P2RY12: variants seen among roughly 807,000 people sequenced by gnomAD.
P2RY12 encodes the protein purinergic receptor P2Y12.
A neutral mutation model predicts 4.5 loss-of-function variants in P2RY12; 3 were observed. The observed-to-expected ratio is 0.67, with a 90% CI of 0.31 to 1.74. The LOEUF is 1.74. Ranked by LOEUF, P2RY12 falls within the 40% of genes most tolerant of loss-of-function variation. The probability of loss-of-function intolerance (pLI) is 0.09; values close to 1 mark genes in which losing one functional copy is unlikely to be tolerated. For synonymous variants in P2RY12, 148 were observed against 154.1 expected (o/e 0.96, Z 0.29); for missense variants, 356 against 407.8 (o/e 0.87, Z 1.09).
At chr3:151,378,441 A>G (rs1163275905) in intron 1 of P2RY12, among the ~76,000 whole-genome samples, 2 of 152,150 alleles carry the variant, frequency 1.3e-5, no homozygotes, top group African/African-American at 2.4e-5. Context: ...GCTTTAGACC[A>G]ACTGAATCAG....
chr3:151,382,790 AT>A (rs769604656), intron 1 of P2RY12: 1 of 1,458,510 alleles, frequency 6.9e-7, no homozygotes, highest in East Asian at 2.4e-5. Flanking sequence ...ACATATTTAC[AT>A]GTGAAAATAC....
chr3:151,372,865 T>C (rs1756364152), intron 1 of P2RY12: 1 of 824,048 alleles, frequency 1.2e-6, no homozygotes, highest in Non-Finnish European at 1.9e-6. Context: ...GTGGGCCTTT[T>C]TTTCTTGCTC....
chr3:151,350,103 C>G (rs758843606), intron 1 of P2RY12: 3 of 1,613,456 alleles, frequency 1.9e-6, no homozygotes, highest in Admixed American at 3.3e-5. Context: ...CAATCCTTCT[C>G]TATGGAGTCG....
chr3:151,338,209 T>C lies in P2RY12; in HGVS notation c.637A>G (p.Thr213Ala). 2 of 1,614,144 alleles carry C rather than the reference T, an allele frequency of 1.2e-6. No individual in the cohort carries two copies. The highest frequency in any genetic ancestry group is 1.7e-6 in the Non-Finnish European group (2 of 1,180,002). Reference protein sequence around the residue: ...LIVIVCYTLITKELYRSYVRT... With the variant: ...LIVIVCYTLIAKELYRSYVRT... ...ACGTATGACCGGTACAGTTCTTTTG[T>C]AATGAGTGTATAACATACAATAACA... Residue 213 changes from threonine (T) to alanine (A), a missense_variant, in exon 3 of 3, where the codon ACA becomes GCA. Coordinates refer to ENST00000302632, the MANE Select transcript of P2RY12 (RefSeq NM_022788.5).
At chr3:151,341,450 C>T (rs1751809253) in intron 1 of P2RY12, among the ~76,000 whole-genome samples, 1 of 151,744 alleles carries the variant, frequency 6.6e-6, no homozygotes, top group Non-Finnish European at 1.5e-5. Context: ...GAAAATATAA[C>T]ATTAAATTAA....
intron 1 of P2RY12, among the ~76,000 whole-genome samples, chr3:151,348,364 GA>G (rs55814320): frequency 0.7 from 84,008 of 119,826 alleles, 29,270 homozygotes; most frequent in Middle Eastern, 0.81. Flanking sequence ...AAAAAAAAAA[GA>G]AAAAAGAAAT....
At chr3:151,352,502 G>C (rs1753358637) in intron 1 of P2RY12, among the ~76,000 whole-genome samples, 1 of 152,150 alleles carries the variant, frequency 6.6e-6, no homozygotes, top group Non-Finnish European at 1.5e-5. Context: ...GTAAGCACCA[G>C]AAATTAGCTA....
intron 1 of P2RY12, among the ~76,000 whole-genome samples, chr3:151,361,067 T>G (rs554693607): frequency 6.6e-6 from 1 of 152,270 alleles, no homozygotes; most frequent in South Asian, 2.1e-4. Context: ...TGTATCCCTC[T>G]TGATTTTGAT....
At chr3:151,367,849 G>A in intron 1 of P2RY12, 1 of 1,458,718 alleles carries the variant, frequency 6.9e-7, no homozygotes. Context: ...ACAGGGAAAG[G>A]AGTATTTGAG....
At chr3:151,350,274 T>C in intron 1 of P2RY12, 1 of 1,511,744 alleles carries the variant, frequency 6.6e-7, no homozygotes, top group Non-Finnish European at 9.1e-7. Context: ...ACAGTCTTTA[T>C]CAAAGTGTTC....
At chr3:151,350,610 GT>G (rs1407427071) in intron 1 of P2RY12, among the ~76,000 whole-genome samples, 2 of 151,698 alleles carry the variant, frequency 1.3e-5, no homozygotes, top group Non-Finnish European at 2.9e-5. Context: ...CTTGTGGTTA[GT>G]TTTTTTTCTG....
chr3:151,351,852 G>A (rs1399867302), intron 1 of P2RY12, among the ~76,000 whole-genome samples: 1 of 152,142 alleles, frequency 6.6e-6, no homozygotes, highest in Non-Finnish European at 1.5e-5. Context: ...TTCCTTCACA[G>A]CTTTTTAATG....
intron 1 of P2RY12, among the ~76,000 whole-genome samples, chr3:151,356,347 A>G (rs1208117446): frequency 6.6e-6 from 1 of 152,162 alleles, no homozygotes. Flanking sequence ...AGCCATGATC[A>G]TACAACTGCA....
rs1751181886 is a variant in P2RY12 at position 151,337,585 on chromosome 3, G to T, written c.*232C>A. 4.0e-6 allele frequency: 2 copies of T among 498,010 alleles called. No homozygotes were observed. The highest frequency in any genetic ancestry group is 3.5e-5 in the East Asian group (1 of 28,958). 30.8% of individuals were successfully genotyped at this position (498,010 alleles called of 1,614,324 possible). On this transcript the variant is annotated 3_prime_UTR_variant, in exon 3 of 3. Transcript: ENST00000302632. ...AGTTTTGCATGCAGCATGACAATTGGATGTCGTTTGTTTTGCTGCTAATAC... is the reference window on the plus strand; with the variant it reads ...AGTTTTGCATGCAGCATGACAATTGTATGTCGTTTGTTTTGCTGCTAATAC...
intron 1 of P2RY12, chr3:151,376,774 G>A: frequency 2.5e-6 from 4 of 1,593,580 alleles, no homozygotes; most frequent in Middle Eastern, 1.7e-4. Flanking sequence ...TACCCATAAT[G>A]TTTTAATTCT....
chr3:151,372,952 C>T (rs1462477564), intron 1 of P2RY12, among the ~76,000 whole-genome samples: 1 of 152,130 alleles, frequency 6.6e-6, no homozygotes, highest in African/African-American at 2.4e-5. Flanking sequence ...CCATCCTTTA[C>T]ACGGATTTAC....
intron 1 of P2RY12, chr3:151,365,905 A>G: frequency 6.2e-7 from 1 of 1,613,714 alleles, no homozygotes; most frequent in Non-Finnish European, 8.5e-7. Flanking sequence ...CACTGTTCTT[A>G]GTTCAGAATG....
Position 151,338,278 on chromosome 3 carries a change from C to T in P2RY12, c.568G>A (p.Val190Ile). Reference protein sequence around the residue: ...SEFGLVWHEIVNYICQVIFWI... With the variant: ...SEFGLVWHEIINYICQVIFWI... The stretch of plus-strand genomic sequence containing the variant: ...AAAATGACTTGACAGATGTAATTTA[C>T]TATTTCATGCCAGACTAGACCGAAC... Residue 190 changes from valine to isoleucine, a missense_variant, in exon 3 of 3, where the codon GTA becomes ATA. Physicochemically the swap from Val to Ile is conservative, Grantham distance 29 (BLOSUM62 3). Transcript: ENST00000302632. The T allele has an allele frequency of 1.2e-6, 2 of 1,614,010 alleles. No individual in the cohort carries two copies.
chr3:151,338,877 G>A lies in P2RY12; in HGVS notation c.-14-18C>T, dbSNP rs369252200. 2.5e-6 allele frequency: 4 copies of A among 1,605,150 alleles called. No homozygotes were observed. The highest frequency in any genetic ancestry group is 2.7e-5 in the African/African-American group (2 of 74,856). ...TTGGTTACCTAGAGAACAAAAGAGA[G>A]GATGGTTATTTTCAGCCTAAGGTAG... On this transcript the variant is annotated intron_variant, in intron 2 of 2. Coordinates refer to ENST00000302632, the MANE Select transcript of P2RY12 (RefSeq NM_022788.5).
Sources: gnomAD v4.1 joint callset for allele counts (sites outside exome capture counted in the v4.1 genomes callset) on GRCh38, gnomAD v4.1.1 for gene constraint, MANE v1.5 for transcripts, NCBI Gene and HGNC (gene_info 2026-07-23, HGNC 2026-07-21) for gene names.